The following CAMK2B variants were observed in gnomAD, a reference collection of about 807,000 sequenced individuals.
CAMK2B encodes the protein calcium/calmodulin dependent protein kinase II beta.
A neutral mutation model predicts 93.7 loss-of-function variants in CAMK2B; 27 were observed. That is an observed-to-expected ratio of 0.29 (90% CI 0.21 to 0.40). The LOEUF (loss-of-function observed/expected upper bound fraction) is 0.40, where lower values mean the gene tolerates loss of function less well. Among genes scored for constraint, CAMK2B ranks in the 10% least tolerant of loss-of-function variants. The probability of loss-of-function intolerance (pLI) is 1.00; values close to 1 mark genes in which losing one functional copy is unlikely to be tolerated. For missense variants in CAMK2B, 568 were observed against 895.8 expected (o/e 0.63, Z 4.67); for synonymous variants, 374 against 358.8 (o/e 1.04, Z -0.48).
intron 2 of CAMK2B, among the ~76,000 whole-genome samples, chr7:44,265,939 G>A (rs1361282297): frequency 2.6e-5 from 4 of 151,954 alleles, no homozygotes; most frequent in Non-Finnish European, 5.9e-5. Context: ...ACGTCGTATC[G>A]AGTGCTTCAC....
At chr7:44,250,623 G>A (rs1464345993) in intron 5 of CAMK2B, among the ~76,000 whole-genome samples, 1 of 148,714 alleles carries the variant, frequency 6.7e-6, no homozygotes, top group Non-Finnish European at 1.5e-5. Flanking sequence ...TCCGCCTCCC[G>A]GGTTCAAGCG....
intron 2 of CAMK2B, among the ~76,000 whole-genome samples, chr7:44,280,913 C>T (rs1184342418): frequency 6.6e-6 from 1 of 152,166 alleles, no homozygotes; most frequent in Admixed American, 6.5e-5. Context: ...GAGCATAAAA[C>T]CAGGAGAGGG....
intron 5 of CAMK2B, 39 bp from the exon 6 acceptor site, chr7:44,247,231 G>A (rs776766021): frequency 1.3e-6 from 2 of 1,577,736 alleles, no homozygotes; most frequent in East Asian, 2.2e-5. Flanking sequence ...GAGTGGCCCT[G>A]GGGAGCAGCA....
At chr7:44,288,836 G>A (rs936284018) in intron 1 of CAMK2B, among the ~76,000 whole-genome samples, 2 of 152,086 alleles carry the variant, frequency 1.3e-5, no homozygotes, top group African/African-American at 4.8e-5. Flanking sequence ...TTCATTGCAG[G>A]GGGGCTCAGG....
chr7:44,260,138 GGTAAGACA>G (rs1291039232), intron 3 of CAMK2B, among the ~76,000 whole-genome samples: 1 of 152,158 alleles, frequency 6.6e-6, no homozygotes, highest in Non-Finnish European at 1.5e-5. Context: ...ACGCTGAATG[GGTAAGACA>G]GTAAGACGTA....
intron 18 of CAMK2B, 83 bp downstream of exon 18, chr7:44,229,305 G>A (rs2096554826): frequency 1.1e-6 from 1 of 888,542 alleles, no homozygotes; most frequent in Non-Finnish European, 1.7e-6. Context: ...CGCTCAGCCT[G>A]CCCTCGGCTC....
chr7:44,237,917 T>C (rs1205783777), intron 13 of CAMK2B, among the ~76,000 whole-genome samples: 1 of 152,140 alleles, frequency 6.6e-6, no homozygotes, highest in Non-Finnish European at 1.5e-5. Flanking sequence ...GGCCGGACAC[T>C]GGGTCTCCTA....
intron 2 of CAMK2B, among the ~76,000 whole-genome samples, chr7:44,276,293 A>G (rs1562986172): frequency 6.6e-6 from 1 of 151,974 alleles, no homozygotes; most frequent in Non-Finnish European, 1.5e-5. Flanking sequence ...TCCTCTATTA[A>G]CCCAGTTCCG....
At chr7:44,324,231 G>A (rs1796886428) in intron 1 of CAMK2B, among the ~76,000 whole-genome samples, 1 of 152,266 alleles carries the variant, frequency 6.6e-6, no homozygotes, top group Non-Finnish European at 1.5e-5. Flanking sequence ...AAAAGGATCT[G>A]TTGCTGGATG....
intron 1 of CAMK2B, among the ~76,000 whole-genome samples, chr7:44,297,111 G>T (rs933999979): frequency 6.6e-6 from 1 of 152,170 alleles, no homozygotes; most frequent in Non-Finnish European, 1.5e-5. Context: ...ATGGATAAGT[G>T]AAAGAAAGCA....
chr7:44,311,533 G>A lies in CAMK2B; in HGVS notation c.65+13824C>T, dbSNP rs1793548870. ...AATGTGTGGCTGTGAGGGGTGGCAG[G>A]TAAGATTGTTGTGCCCCAGCATGTG... On this transcript the variant is annotated intron_variant, in intron 1 of 23. Coordinates refer to ENST00000395749, the MANE Select transcript of CAMK2B (RefSeq NM_001220.5). This position sits in a 1 kb window ranked among gnomAD's most constrained non-coding sequence, Gnocchi z 4.2. Among the ~76,000 whole-genome samples, 1 of 152,238 alleles carries A rather than the reference G, an allele frequency of 6.6e-6. No homozygotes were observed. Among genetic ancestry groups the A allele is most frequent in the Non-Finnish European group, 1.5e-5 (1 of 68,036 alleles).
At chr7:44,256,419 TTGCATGTGTGCCTGTG>T (rs1432021453) in intron 4 of CAMK2B, among the ~76,000 whole-genome samples, 1 of 152,076 alleles carries the variant, frequency 6.6e-6, no homozygotes, top group Non-Finnish European at 1.5e-5. Flanking sequence ...GTATATTGTT[TTGCATGTGTGCCTGTG>T]TGCATGTGTG....
At position 44,290,936 on chromosome 7, in the gene CAMK2B, C is replaced by T. The variant is rs1418904721; in HGVS notation, c.66-6711G>A. The stretch of plus-strand genomic sequence containing the variant: ...CAAGAGGGTCTACAGAATGCGTTGA[C>T]GTTGCCTCCATAACCCACAACACGG... On this transcript the variant is annotated intron_variant, in intron 1 of 23. Coordinates refer to ENST00000395749, the MANE Select transcript of CAMK2B (RefSeq NM_001220.5). 2.0e-5 allele frequency among the ~76,000 whole-genome samples: 3 copies of T among 152,160 alleles called. No homozygotes were observed. The South Asian group carries it at 6.2e-4, about 32-fold the overall frequency.
intron 20 of CAMK2B, chr7:44,226,014 C>T: frequency 1.1e-6 from 1 of 898,408 alleles, no homozygotes. Context: ...TCAGCCTGGC[C>T]CCAGCTGCCC....
At chr7:44,304,641 G>T (rs891020697) in intron 1 of CAMK2B, among the ~76,000 whole-genome samples, 1 of 152,180 alleles carries the variant, frequency 6.6e-6, no homozygotes, top group Non-Finnish European at 1.5e-5. Flanking sequence ...TCTGGGGCAG[G>T]TGAAACTACT....
At chr7:44,308,614 G>A (rs752551203) in intron 1 of CAMK2B, among the ~76,000 whole-genome samples, 2 of 152,178 alleles carry the variant, frequency 1.3e-5, no homozygotes, top group Non-Finnish European at 2.9e-5. Flanking sequence ...GCAGGACAAG[G>A]TTCCACCAAC....
At chr7:44,243,189 T>C in intron 8 of CAMK2B, 61 bp downstream of exon 8, 2 of 1,255,652 alleles carry the variant, frequency 1.6e-6, no homozygotes, top group African/African-American at 2.9e-5. Context: ...CTCCAGGATG[T>C]AGGTGGGAAG....
intron 2 of CAMK2B, among the ~76,000 whole-genome samples, chr7:44,283,804 A>G (rs760239079): frequency 6.6e-6 from 1 of 152,196 alleles, no homozygotes; most frequent in South Asian, 2.1e-4. Flanking sequence ...ACCCCCATAC[A>G]CGGGATGGGG....
intron 1 of CAMK2B, among the ~76,000 whole-genome samples, chr7:44,299,654 G>A (rs1301740538): frequency 6.6e-6 from 1 of 152,070 alleles, no homozygotes; most frequent in East Asian, 1.9e-4. Context: ...AATCATTTTA[G>A]GATCAATAAT....
Sources: gnomAD v4.1 joint callset for allele counts (sites outside exome capture counted in the v4.1 genomes callset) on GRCh38, gnomAD v4.1.1 for gene constraint, Gnocchi (gnomAD v3.1) non-coding constraint, MANE v1.5 for transcripts, NCBI Gene and HGNC (gene_info 2026-07-23, HGNC 2026-07-21) for gene names.